Variants in NGF observed in about 807,000 individuals in gnomAD.
The protein encoded by NGF is nerve growth factor.
NGF carries 4 observed loss-of-function variants against 12.8 expected under a neutral mutation model. The observed-to-expected ratio is 0.31, with a 90% CI of 0.15 to 0.72. The LOEUF is 0.72. NGF is among the 30% of genes least tolerant of loss of function. The probability of loss-of-function intolerance (pLI) is 0.69; values close to 1 mark genes in which losing one functional copy is unlikely to be tolerated. For synonymous variants in NGF, 140 were observed against 130.0 expected, an observed-to-expected ratio of 1.08 and a Z score of -0.52; for missense variants, 283 against 330.8, an observed-to-expected ratio of 0.86 and a Z score of 1.12.
At chr1:115,317,548 C>T (rs1654504668) in intron 1 of NGF, among the ~76,000 whole-genome samples, 1 of 152,186 alleles carries the variant, frequency 6.6e-6, no homozygotes. Context: ...TGGAATTCCT[C>T]CCACACATGG....
At chr1:115,322,099 C>A (rs1394314608) in intron 1 of NGF, among the ~76,000 whole-genome samples, 2 of 152,152 alleles carry the variant, frequency 1.3e-5, no homozygotes, top group Non-Finnish European at 2.9e-5. Flanking sequence ...TACCTTTGAT[C>A]ATAAATGAGA....
intron 1 of NGF, among the ~76,000 whole-genome samples, chr1:115,325,369 T>G (rs1454205779): frequency 6.6e-6 from 1 of 152,178 alleles, no homozygotes; most frequent in Non-Finnish European, 1.5e-5. Context: ...GATTTTTTTG[T>G]TGCAGGTGCT....
rs1265664288 is a variant in NGF at position 115,286,535 on chromosome 1, C to T, written c.261G>A (p.Val87=). Residue 87 remains valine (V), a synonymous_variant, in exon 3 of 3, where the codon GTG becomes GTA. Coordinates refer to ENST00000369512, the MANE Select transcript of NGF (RefSeq NM_002506.3). The part of the protein sequence containing the change: ...FKKRRLRSPR[V]LFSTQPPREA... ...CACGGGGAGGCTGGGTGCTAAACAG[C>T]ACACGGGGTGAACGGAGTCGCCGCT... 2.5e-6 allele frequency: 4 copies of T among 1,614,108 alleles called. No homozygotes were observed. The South Asian group carries it at 3.3e-5, about 13-fold the overall frequency.
chr1:115,334,697 C>T (rs1347327394), intron 1 of NGF, among the ~76,000 whole-genome samples: 1 of 152,156 alleles, frequency 6.6e-6, no homozygotes, highest in African/African-American at 2.4e-5. Context: ...TCTTTGAATA[C>T]ACTTAGCCCT....
At chr1:115,298,343 T>C (rs560929255) in intron 1 of NGF, among the ~76,000 whole-genome samples, 1 of 152,278 alleles carries the variant, frequency 6.6e-6, no homozygotes, top group African/African-American at 2.4e-5. Flanking sequence ...TCAGCAAACC[T>C]CATGGTTGCA....
intron 1 of NGF, among the ~76,000 whole-genome samples, chr1:115,323,562 T>A (rs1314055124): frequency 6.6e-6 from 1 of 152,136 alleles, no homozygotes; most frequent in African/African-American, 2.4e-5. Flanking sequence ...TGAGACTACA[T>A]CTGTGGGAAA....
chr1:115,331,097 G>T (rs1330620846), intron 1 of NGF, among the ~76,000 whole-genome samples: 1 of 150,812 alleles, frequency 6.6e-6, no homozygotes, highest in East Asian at 2.0e-4. Context: ...CAATGAGGGG[G>T]TCCACATCGG....
intron 1 of NGF, among the ~76,000 whole-genome samples, chr1:115,334,028 C>T (rs1389087102): frequency 6.6e-6 from 1 of 152,102 alleles, no homozygotes; most frequent in Non-Finnish European, 1.5e-5. Flanking sequence ...GTTCTATTTT[C>T]TGTCCCCCAA....
intron 1 of NGF, among the ~76,000 whole-genome samples, chr1:115,321,282 T>C (rs1483009837): frequency 1.3e-5 from 2 of 152,142 alleles, no homozygotes; most frequent in Middle Eastern, 3.2e-3. Flanking sequence ...CCTGGTATGA[T>C]GTTGGTGCTT....
intron 1 of NGF, among the ~76,000 whole-genome samples, chr1:115,298,554 C>T (rs1653941295): frequency 6.6e-6 from 1 of 151,854 alleles, no homozygotes; most frequent in African/African-American, 2.4e-5. Context: ...CAGAGCTCTC[C>T]TGGGCAGAAA....
chr1:115,312,239 C>T (rs1654353936), intron 1 of NGF, among the ~76,000 whole-genome samples: 1 of 152,068 alleles, frequency 6.6e-6, no homozygotes, highest in African/African-American at 2.4e-5. Context: ...TTTGTAGGCA[C>T]AAGATTGTAC....
intron 1 of NGF, among the ~76,000 whole-genome samples, chr1:115,329,411 G>C (rs185682825): frequency 6.6e-6 from 1 of 152,310 alleles, no homozygotes; most frequent in Admixed American, 6.5e-5. Flanking sequence ...AAATCACAGA[G>C]TTGGGACTTA....
At chr1:115,320,713 CTG>C (rs1288905629) in intron 1 of NGF, among the ~76,000 whole-genome samples, 1 of 152,222 alleles carries the variant, frequency 6.6e-6, no homozygotes, top group African/African-American at 2.4e-5. Context: ...TCCCAGGTAA[CTG>C]AAACTTTGGA....
At position 115,286,071 on chromosome 1, in the gene NGF, C is replaced by A; in HGVS notation, c.725G>T (p.Ter242LeuextTer23). ...VLSRKAVRRA[*>L] ...AGGGGGAGGGAGCGTGTCGGCAGGT[C>A]AGGCTCTTCTCACAGCCTTCCTGCT... The change falls in exon 3 of 3, where the codon TGA becomes TTA. Residue 242 changes from the stop codon to leucine, a stop_lost. Coordinates refer to ENST00000369512, the MANE Select transcript of NGF (RefSeq NM_002506.3). The A allele has an allele frequency of 1.2e-6, 2 of 1,612,796 alleles. No individual in the cohort carries two copies. Among genetic ancestry groups the A allele is most frequent in the South Asian group, 2.2e-5 (2 of 90,926 alleles).
At chr1:115,325,339 A>G (rs1237806945) in intron 1 of NGF, among the ~76,000 whole-genome samples, 1 of 152,126 alleles carries the variant, frequency 6.6e-6, no homozygotes, top group East Asian at 1.9e-4. Flanking sequence ...CCCCAGAACT[A>G]TCAACATTTT....
At chr1:115,321,560 ATGATGTG>A (rs1404765618) in intron 1 of NGF, among the ~76,000 whole-genome samples, 1 of 144,052 alleles carries the variant, frequency 6.9e-6, no homozygotes, top group Non-Finnish European at 1.5e-5. Flanking sequence ...CCACTTTTGC[ATGATGTG>A]TGTATGGGAT....
At chr1:115,324,391 T>C (rs1056174123) in intron 1 of NGF, among the ~76,000 whole-genome samples, 1 of 152,160 alleles carries the variant, frequency 6.6e-6, no homozygotes, top group African/African-American at 2.4e-5. Flanking sequence ...GCTTCCTCAA[T>C]TGGCTCTTCA....
chr1:115,314,774 A>G (rs1654430120), intron 1 of NGF, among the ~76,000 whole-genome samples: 1 of 152,240 alleles, frequency 6.6e-6, no homozygotes, highest in Non-Finnish European at 1.5e-5. Context: ...CGTGAACAGA[A>G]CAGAAAAATT....
intron 1 of NGF, among the ~76,000 whole-genome samples, chr1:115,330,750 G>A (rs1485394650): frequency 1.3e-5 from 2 of 152,116 alleles, no homozygotes; most frequent in African/African-American, 4.8e-5. Context: ...CAATGTGCAC[G>A]CTAATTGAGA....
Sources: allele counts gnomAD v4.1 joint callset (sites outside exome capture counted in the v4.1 genomes callset), GRCh38; gene constraint gnomAD v4.1.1; transcripts MANE v1.5; gene names NCBI Gene and HGNC (gene_info 2026-07-23, HGNC 2026-07-21).